Variants in KPNA3 observed in about 807,000 individuals in gnomAD.
KPNA3 encodes importin subunit alpha-4.
Under a neutral mutation model 73.8 loss-of-function variants are expected in KPNA3, and 13 were observed. The ratio of observed to expected loss-of-function variants is 0.18; its 90% CI spans 0.11 to 0.28. KPNA3 has a LOEUF of 0.28. Ranked by LOEUF, KPNA3 falls within the 10% of genes least tolerant of loss-of-function variation. The probability of loss-of-function intolerance (pLI) is 1.00; values close to 1 mark genes in which losing one functional copy is unlikely to be tolerated. For missense variants in KPNA3, 360 were observed against 618.1 expected (o/e 0.58, Z 4.43); for synonymous variants, 186 against 206.9 (o/e 0.90, Z 0.87).
intron 1 of KPNA3, among the ~76,000 whole-genome samples, chr13:49,766,343 AATC>A (rs1566356626): frequency 6.6e-6 from 1 of 152,178 alleles, no homozygotes; most frequent in East Asian, 1.9e-4. Flanking sequence ...AAAATGATTC[AATC>A]ATCTTAAAAA....
At chr13:49,775,748 C>T (rs1176431105) in intron 1 of KPNA3, among the ~76,000 whole-genome samples, 3 of 152,102 alleles carry the variant, frequency 2.0e-5, no homozygotes, top group Non-Finnish European at 4.4e-5. Flanking sequence ...TTAAATATGT[C>T]CCTTGAATAG....
intron 1 of KPNA3, among the ~76,000 whole-genome samples, chr13:49,758,811 A>AT (rs754373887): frequency 1.3e-5 from 2 of 152,142 alleles, no homozygotes; most frequent in Non-Finnish European, 2.9e-5. Context: ...TTTTAATCCT[A>AT]TATCTATCCA....
chr13:49,737,418 C>T (rs192888117), intron 2 of KPNA3, among the ~76,000 whole-genome samples: 40 of 152,338 alleles, frequency 2.6e-4, no homozygotes, highest in African/African-American at 9.1e-4. Context: ...TGGCTTTAAT[C>T]TCTATTTCCC....
chr13:49,721,425 A>T (rs1008732985), intron 9 of KPNA3, among the ~76,000 whole-genome samples: 12 of 152,194 alleles, frequency 7.9e-5, no homozygotes, highest in African/African-American at 2.7e-4. Flanking sequence ...CAGATAATCA[A>T]AAAAATAGGC....
At chr13:49,701,960 G>T in intron 16 of KPNA3, 62 bp from the exon 17 acceptor site, 1 of 1,114,412 alleles carries the variant, frequency 9.0e-7, no homozygotes. Flanking sequence ...GATGTAAGTG[G>T]AATTGACTTT....
At chr13:49,772,273 C>T (rs1231637934) in intron 1 of KPNA3, among the ~76,000 whole-genome samples, 1 of 152,172 alleles carries the variant, frequency 6.6e-6, no homozygotes, top group Non-Finnish European at 1.5e-5. Context: ...GAAAGCTTTA[C>T]ATTTACACCA....
At chr13:49,730,120 A>G (rs562672537) in intron 6 of KPNA3, among the ~76,000 whole-genome samples, 2 of 152,338 alleles carry the variant, frequency 1.3e-5, no homozygotes, top group Non-Finnish European at 2.9e-5. Flanking sequence ...AGCTGTATAT[A>G]TTTTAGCATA....
At chr13:49,787,673 A>G (rs894862808) in intron 1 of KPNA3, among the ~76,000 whole-genome samples, 4 of 136,632 alleles carry the variant, frequency 2.9e-5, no homozygotes, top group African/African-American at 1.1e-4. Flanking sequence ...GGACCGGCTA[A>G]TTTTTGTATT....
At position 49,701,868 on chromosome 13, in the gene KPNA3, C is replaced by T; in HGVS notation, c.1498G>A (p.Ala500Thr). ...AAATTGTAGGTACCTCCTTGTGTTG[C>T]TTCAGGAATGAGGCAGGGATCTTCA... ...IDEDPCLIPE[A>T]TQGGTYNFDP... The change falls in exon 17 of 17, where the codon GCA (alanine) becomes ACA (threonine). Residue 500 changes from alanine (A) to threonine (T), a missense_variant. This residue lies in a region of KPNA3 where 38 missense variants were observed against 39.0 expected (regional missense o/e 0.98). Transcript: ENST00000261667. 1 of 1,613,162 alleles carries T rather than the reference C, an allele frequency of 6.2e-7. No homozygotes were observed. Among genetic ancestry groups the T allele is most frequent in the Non-Finnish European group, 8.5e-7 (1 of 1,179,262 alleles).
At position 49,706,140 on chromosome 13, in the gene KPNA3, A is replaced by C. The variant is rs1490868278; in HGVS notation, c.1167T>G (p.Ala389=). The change falls in exon 14 of 17, where the codon GCT becomes GCG. Residue 389 remains alanine, a synonymous_variant. Coordinates refer to ENST00000261667, the MANE Select transcript of KPNA3 (RefSeq NM_002267.4). The stretch of plus-strand genomic sequence containing the variant: ...TTATTGTTAAGTTGCTGATTGCCCA[A>C]GCAGCTTCTTTTTGTGTTCCAAAGT... The part of the protein sequence containing the change: ...KGDFGTQKEA[A]WAISNLTISG... The C allele has an allele frequency of 2.5e-6, 4 of 1,613,796 alleles. No individual in the cohort carries two copies. In the East Asian group the frequency reaches 6.7e-5, roughly 27 times the overall value.
At chr13:49,741,577 C>CCA (rs1954574654) in intron 2 of KPNA3, among the ~76,000 whole-genome samples, 1 of 152,006 alleles carries the variant, frequency 6.6e-6, no homozygotes, top group Admixed American at 6.6e-5. Context: ...CCTCAGCCTC[C>CCA]CGAGTAGCTG....
chr13:49,738,634 A>G (rs1292864871), intron 2 of KPNA3, among the ~76,000 whole-genome samples: 4 of 152,118 alleles, frequency 2.6e-5, no homozygotes, highest in Non-Finnish European at 5.9e-5. Context: ...TATTGTTTTT[A>G]ATTTTGGTTT....
chr13:49,785,078 G>A (rs2137607501), intron 1 of KPNA3, among the ~76,000 whole-genome samples: 1 of 152,256 alleles, frequency 6.6e-6, no homozygotes, highest in South Asian at 2.1e-4. Context: ...CACTGGCGAG[G>A]AGGGGCAGGC....
In KPNA3 at chr13:49,722,090, T is replaced by A. The variant is rs1295473244; in HGVS notation, c.591A>T (p.Ser197=). The A allele has an allele frequency of 6.2e-7, 1 of 1,606,596 alleles. No homozygotes were observed. Among genetic ancestry groups the A allele is most frequent in the Non-Finnish European group, 8.5e-7 (1 of 1,176,854 alleles). ...ACAGAAGAGGTTTGACAACTCCCAGTGATATGACATAATCTCTACATTGAG... is the reference window on the plus strand; with the variant it reads ...ACAGAAGAGGTTTGACAACTCCCAGAGATATGACATAATCTCTACATTGAG... ...DGPQCRDYVI[S]LGVVKPLLSF... Residue 197 remains serine, a synonymous_variant, in exon 9 of 17, where the codon TCA becomes TCT. Transcript: ENST00000261667.
intron 1 of KPNA3, among the ~76,000 whole-genome samples, chr13:49,788,732 TTTTTTTA>T (rs1232150850): frequency 6.8e-4 from 74 of 109,482 alleles, no homozygotes; most frequent in East Asian, 1.0e-3. Context: ...TTTTTTTTTT[TTTTTTTA>T]AAAAAAAAAA....
At position 49,792,454 on chromosome 13, in the gene KPNA3, T is replaced by C; in HGVS notation, c.53A>G (p.Lys18Arg). ...CACACTCACTTCCACATCGCGGCCC[T>C]TGTTCTTGAAGCTCTTGATGCGGTG... ...ENHRIKSFKN[K>R]GRDVETMRRH... is the part of the protein sequence containing the mutation. Residue 18 changes from lysine to arginine, a missense_variant, in exon 1 of 17, where the codon AAG (lysine) becomes AGG (arginine). This residue lies in a region of KPNA3 where 35 missense variants were observed against 30.0 expected (regional missense o/e 1.17). Coordinates refer to ENST00000261667, the MANE Select transcript of KPNA3 (RefSeq NM_002267.4). 1.3e-6 allele frequency: 2 copies of C among 1,578,512 alleles called. No individual in the cohort carries two copies. The highest frequency in any genetic ancestry group is 1.1e-5 in the South Asian group (1 of 87,896).
chr13:49,759,914 C>T (rs887054960), intron 1 of KPNA3, among the ~76,000 whole-genome samples: 2 of 140,428 alleles, frequency 1.4e-5, no homozygotes, highest in Non-Finnish European at 3.3e-5. Flanking sequence ...TAGTAAATAA[C>T]AGACTTAGAC....
At chr13:49,762,920 T>TAAAA (rs374167946) in intron 1 of KPNA3, among the ~76,000 whole-genome samples, 6,560 of 125,228 alleles carry the variant, frequency 0.052, 559 homozygotes, top group African/African-American at 0.17. Flanking sequence ...AAGGCTGGCT[T>TAAAA]AAAAAACAAA....
intron 1 of KPNA3, among the ~76,000 whole-genome samples, chr13:49,749,584 T>C (rs1954645311): frequency 6.6e-6 from 1 of 152,170 alleles, no homozygotes; most frequent in Non-Finnish European, 1.5e-5. Flanking sequence ...TGGTATCTGC[T>C]TAGGGTTGAA....
Sources: gnomAD v4.1 joint callset for allele counts (sites outside exome capture counted in the v4.1 genomes callset) on GRCh38, gnomAD v4.1.1 for gene constraint, gnomAD v4.1.1 regional missense constraint, MANE v1.5 for transcripts, NCBI Gene and HGNC (gene_info 2026-07-23, HGNC 2026-07-21) for gene names.